Variants in TAAR1 observed in about 807,000 individuals in gnomAD.
The protein encoded by TAAR1 is trace amine associated receptor 1.
A neutral mutation model predicts 1.2 loss-of-function variants in TAAR1; 1 was observed. The observed-to-expected ratio is 0.81, with a 90% CI of 0.29 to 3.86. TAAR1 has a LOEUF of 3.86. Ranked by LOEUF, TAAR1 falls within the 30% of genes most tolerant of loss-of-function variation. The pLI is 0.18. For synonymous variants in TAAR1, 153 were observed against 132.2 expected (o/e 1.16, Z -1.08); for missense variants, 445 against 405.6 (o/e 1.10, Z -0.83).
In TAAR1 at chr6:132,646,113, A is replaced by C. The variant is rs562897466; in HGVS notation, c.-110T>G. ...TCTCATGTTTATTTTTTATTTGCACATACTTATCCCAGAAACCTAGGAGGA... is the reference window on the plus strand; with the variant it reads ...TCTCATGTTTATTTTTTATTTGCACCTACTTATCCCAGAAACCTAGGAGGA... On this transcript the variant is annotated 5_prime_UTR_variant, in exon 2 of 2. An upstream start codon of the reference 5' UTR is lost. Coordinates refer to ENST00000275216, the MANE Select transcript of TAAR1 (RefSeq NM_138327.4). The C allele has an allele frequency of 1.4e-5, 18 of 1,242,612 alleles. No homozygotes were observed. In the African/African-American group the frequency reaches 2.4e-4, roughly 17 times the overall value. 77.0% of individuals were successfully genotyped at this position (1,242,612 alleles called of 1,614,324 possible). A position where few individuals can be genotyped will look rare whatever the true frequency, so the allele number is the denominator to read the frequency against.
rs537714111 is a variant in TAAR1 at position 132,656,503 on chromosome 6, T to C, written c.-127+2627A>G. ...GAATGGCATGTGTTTTATTCACTGCTGAAGCTCCAAGGCCTGAAAATATCT... is the reference window on the plus strand; with the variant it reads ...GAATGGCATGTGTTTTATTCACTGCCGAAGCTCCAAGGCCTGAAAATATCT... On this transcript the variant is annotated intron_variant, in intron 1 of 1. Coordinates refer to ENST00000275216, the MANE Select transcript of TAAR1 (RefSeq NM_138327.4). 2.0e-5 allele frequency among the ~76,000 whole-genome samples: 3 copies of C among 152,268 alleles called. No individual in the cohort carries two copies. The East Asian group carries it at 5.8e-4, about 29-fold the overall frequency.
chr6:132,647,349 C>G (rs973912316), intron 1 of TAAR1, among the ~76,000 whole-genome samples: 2 of 119,300 alleles, frequency 1.7e-5, no homozygotes, highest in Non-Finnish European at 3.4e-5. Context: ...GACTTACACA[C>G]ACACATACGC....
At chr6:132,647,682 A>G (rs535703852) in intron 1 of TAAR1, among the ~76,000 whole-genome samples, 11 of 151,526 alleles carry the variant, frequency 7.3e-5, no homozygotes, top group African/African-American at 2.2e-4. Context: ...GAAAGAAAGA[A>G]GAAAGAAAGG....
In TAAR1 at chr6:132,645,862, T is replaced by C. The variant is rs1777665869; in HGVS notation, c.142A>G (p.Ile48Val). 1.2e-6 allele frequency: 2 copies of C among 1,613,660 alleles called. No homozygotes were observed. The highest frequency in any genetic ancestry group is 1.3e-5 in the African/African-American group (1 of 74,894). The change falls in exon 2 of 2, where the codon ATA becomes GTA. Residue 48 changes from isoleucine to valine, a missense_variant. Coordinates refer to ENST00000275216, the MANE Select transcript of TAAR1 (RefSeq NM_138327.4). ...GTATGAAGTTGTTTGAAGTGTGATA[T>C]AGAAACAATAACTATCAGATTGCCA... ...LVGNLIVIVS[I>V]SHFKQLHTPT...
At chr6:132,646,805 T>C (rs1280770070) in intron 1 of TAAR1, among the ~76,000 whole-genome samples, 1 of 152,190 alleles carries the variant, frequency 6.6e-6, no homozygotes, top group East Asian at 1.9e-4. Flanking sequence ...TGAAGTTTAA[T>C]TCACAAATCA....
rs141333819 is a variant in TAAR1 at position 132,659,047 on chromosome 6, G to C, written c.-127+83C>G. On this transcript the variant is annotated intron_variant, in intron 1 of 1. Transcript: ENST00000275216. ...CCATTGATAAATCTCATTATCTTTA[G>C]CATTCTTCCTGTAAAATACTACTTT... is the stretch of plus-strand genomic sequence containing the variant. Among the ~76,000 whole-genome samples, 869 of 145,042 alleles carry C rather than the reference G, an allele frequency of 6.0e-3. 5 individuals carry two copies. The highest frequency in any genetic ancestry group is 0.022 in the South Asian group (100 of 4,546).
Position 132,645,293 on chromosome 6 carries a change from C to A in TAAR1, c.711G>T (p.Met237Ile), listed in dbSNP as rs747614267. ...ANQKLQIGLE[M>I]KNGISQSKER... ...CTTTGCTTTGTGAAATTCCATTTTT[C>A]ATTTCCAATCCAATTTGGAGCTTCT... The change falls in exon 2 of 2, where the codon ATG (methionine) becomes ATT (isoleucine). Residue 237 changes from methionine to isoleucine, a missense_variant. By Grantham distance (10) the Met-to-Ile change is conservative. Coordinates refer to ENST00000275216, the MANE Select transcript of TAAR1 (RefSeq NM_138327.4). 9 of 1,613,528 alleles carry A rather than the reference C, an allele frequency of 5.6e-6. No individual in the cohort carries two copies. The highest frequency in any genetic ancestry group is 1.6e-4 in the Middle Eastern group (1 of 6,084).
chr6:132,651,061 CT>C (rs1777743257), intron 1 of TAAR1, among the ~76,000 whole-genome samples: 1 of 152,186 alleles, frequency 6.6e-6, no homozygotes, highest in Admixed American at 6.5e-5. Flanking sequence ...TTCTACATTA[CT>C]AAACCCAGTG....
At chr6:132,652,208 C>A (rs900464086) in intron 1 of TAAR1, among the ~76,000 whole-genome samples, 1 of 151,480 alleles carries the variant, frequency 6.6e-6, no homozygotes, top group African/African-American at 2.4e-5. Context: ...ATATGAAATA[C>A]TTTTGGCCTT....
intron 1 of TAAR1, among the ~76,000 whole-genome samples, chr6:132,647,644 GAAAGAAAGAAAGAA>G (rs1562203068): frequency 1.8e-4 from 25 of 137,464 alleles, no homozygotes; most frequent in South Asian, 1.8e-3. Flanking sequence ...AAGAAAGAAA[GAAAGAAAGAAAGAA>G]AGAAAGAAAG....
intron 1 of TAAR1, among the ~76,000 whole-genome samples, chr6:132,647,632 GAA>G (rs1199738494): frequency 6.2e-5 from 5 of 80,882 alleles, no homozygotes; most frequent in African/African-American, 1.6e-4. Flanking sequence ...AGGAAAGAAA[GAA>G]AGAAAGAAAG....
At position 132,643,560 on chromosome 6, in the gene TAAR1, G is replaced by A. The variant is rs1207994472; in HGVS notation, c.*1424C>T. On this transcript the variant is annotated 3_prime_UTR_variant, in exon 2 of 2. Transcript: ENST00000275216. ...CTCCAGAAACAGACTATAATTTCTG[G>A]AAGGATTTCACATATCCTCCGGAGA... Among the ~76,000 whole-genome samples the A allele has an allele frequency of 6.6e-6, 1 of 151,954 alleles. No homozygotes were observed. Among genetic ancestry groups the A allele is most frequent in the Non-Finnish European group, 1.5e-5 (1 of 67,918 alleles).
At position 132,644,955 on chromosome 6, in the gene TAAR1, G is replaced by A. The variant is rs41286172; in HGVS notation, c.*29C>T. The A allele has an allele frequency of 0.015, 22,771 of 1,483,592 alleles. 209 individuals carry two copies. Among genetic ancestry groups the A allele is most frequent in the Non-Finnish European group, 0.018 (20,077 of 1,116,986 alleles). The allele number at this position is 1,483,592 out of a possible 1,614,324, so 91.9% of individuals were successfully genotyped here. On this transcript the variant is annotated 3_prime_UTR_variant, in exon 2 of 2. Coordinates refer to ENST00000275216, the MANE Select transcript of TAAR1 (RefSeq NM_138327.4). ...GTGTTCATAAATATGATCATCAACC[G>A]ATTTGCAAAACAGTAAAATATAATA...
At chr6:132,648,281 T>C (rs551476239) in intron 1 of TAAR1, among the ~76,000 whole-genome samples, 2 of 152,332 alleles carry the variant, frequency 1.3e-5, no homozygotes, top group South Asian at 4.1e-4. Context: ...AAAATCACTG[T>C]TCAGAAGTGT....
At chr6:132,650,911 C>T (rs908844054) in intron 1 of TAAR1, among the ~76,000 whole-genome samples, 6 of 152,168 alleles carry the variant, frequency 3.9e-5, no homozygotes, top group Non-Finnish European at 5.9e-5. Context: ...TTTCATTTAT[C>T]GACTACCCCT....
chr6:132,645,006 A>T lies in TAAR1; in HGVS notation c.998T>A (p.Leu333Ter). The T allele has an allele frequency of 6.4e-7, 1 of 1,566,190 alleles. No homozygotes were observed. Among genetic ancestry groups the T allele is most frequent in the Non-Finnish European group, 8.6e-7 (1 of 1,164,776 alleles). The change falls in exon 2 of 2, where the codon TTA becomes TAA. Residue 333 changes from leucine (L) to a stop codon, truncating the protein, a stop_gained. Transcript: ENST00000275216. LOFTEE classifies it high-confidence loss of function. Reference sequence around the variant, plus strand: ...ATTCTATGAACTCAATTCCAAAAATAATTTACACCTGGATGAATCTTTTTG... The same window carrying T: ...ATTCTATGAACTCAATTCCAAAAATTATTTACACCTGGATGAATCTTTTTG... ...IFQKDSSRCKLFLELSS is the reference protein window; with the variant it reads ...IFQKDSSRCK
chr6:132,646,197 A>G (rs974676172), intron 1 of TAAR1, among the ~76,000 whole-genome samples, 68 bp from the exon 2 acceptor site: 5 of 152,168 alleles, frequency 3.3e-5, no homozygotes, highest in African/African-American at 1.2e-4. Context: ...ACATTTACCT[A>G]TTACTCTCTG....
chr6:132,647,189 T>TA lies in TAAR1; in HGVS notation c.-126-1061dup, dbSNP rs149599640. Among the ~76,000 whole-genome samples, 8 of 151,694 alleles carry TA rather than the reference T, an allele frequency of 5.3e-5. 1 individual carries two copies. The highest frequency in any genetic ancestry group is 4.1e-4 in the South Asian group (2 of 4,822). On this transcript the variant is annotated intron_variant, in intron 1 of 1. Transcript: ENST00000275216. ...AATAAATCTCACTTTATAAAACAGGTAAAAAAAATTATTATGAGTAGGCAT... is the reference window on the plus strand; with the variant it reads ...AATAAATCTCACTTTATAAAACAGGTAAAAAAAAATTATTATGAGTAGGCAT...
At position 132,646,046 on chromosome 6, in the gene TAAR1, G is replaced by T. The variant is rs1777669101; in HGVS notation, c.-43C>A. On this transcript the variant is annotated 5_prime_UTR_variant, in exon 2 of 2. Coordinates refer to ENST00000275216, the MANE Select transcript of TAAR1 (RefSeq NM_138327.4). Reference sequence around the variant, plus strand: ...CAGTTTACTTTTCCCTTTGTGTGTTGATTTATCTTTTTCCCAAATCCATAA... The same window carrying T: ...CAGTTTACTTTTCCCTTTGTGTGTTTATTTATCTTTTTCCCAAATCCATAA... 1 of 1,519,194 alleles carries T rather than the reference G, an allele frequency of 6.6e-7. No homozygotes were observed. 94.1% of individuals were successfully genotyped at this position (1,519,194 alleles called of 1,614,324 possible).
Sources: gnomAD v4.1 joint callset for allele counts (sites outside exome capture counted in the v4.1 genomes callset) on GRCh38, gnomAD v4.1.1 for gene constraint, MANE v1.5 for transcripts, NCBI Gene and HGNC (gene_info 2026-07-23, HGNC 2026-07-21) for gene names.